Variants in ZNF573 observed in about 807,000 individuals in gnomAD.
The protein encoded by ZNF573 is zinc finger protein 573.
In ZNF573, 41 loss-of-function variants were observed where a neutral mutation model predicts 57.4. The ratio of observed to expected loss-of-function variants is 0.71; its 90% CI spans 0.56 to 0.93. The LOEUF is 0.93. Ranked by LOEUF, ZNF573 falls within the 40% of genes least tolerant of loss-of-function variation. The pLI, the probability that ZNF573 is intolerant of heterozygous loss-of-function variation, is 0.00. For synonymous variants in ZNF573, 249 were observed against 261.0 expected (o/e 0.95, Z 0.44); for missense variants, 730 against 794.8 (o/e 0.92, Z 0.98).
chr19:37,760,099 T>C (rs1333967139), intron 4 of ZNF573, among the ~76,000 whole-genome samples: 2 of 152,170 alleles, frequency 1.3e-5, no homozygotes, highest in African/African-American at 4.8e-5. Flanking sequence ...TCCAGAGTGA[T>C]TGGCCACATT....
intron 4 of ZNF573, among the ~76,000 whole-genome samples, chr19:37,749,042 T>C (rs2045409424): frequency 6.6e-6 from 1 of 151,480 alleles, no homozygotes; most frequent in African/African-American, 2.4e-5. Flanking sequence ...AATGTAAGTA[T>C]AGACTCTATA....
chr19:37,751,047 T>C (rs2045429855), intron 4 of ZNF573, among the ~76,000 whole-genome samples: 1 of 150,982 alleles, frequency 6.6e-6, no homozygotes, highest in Non-Finnish European at 1.5e-5. Context: ...GTATATATAC[T>C]GTCTATAGTA....
chr19:37,761,679 C>G (rs1038491583), intron 4 of ZNF573, among the ~76,000 whole-genome samples: 1 of 152,218 alleles, frequency 6.6e-6, no homozygotes, highest in African/African-American at 2.4e-5. Flanking sequence ...AGAACCTAGA[C>G]AGACAGGCCT....
chr19:37,777,380 A>C (rs76687248), intron 1 of ZNF573, among the ~76,000 whole-genome samples: 12,063 of 152,168 alleles, frequency 0.079, 719 homozygotes, highest in African/African-American at 0.16. Context: ...AAAATATGGC[A>C]ACAGCCTAAA....
In ZNF573 at chr19:37,748,168, G is replaced by GTA. The variant is rs201272270; in HGVS notation, c.296-7976_296-7975dup. On this transcript the variant is annotated intron_variant, in intron 4 of 4. Transcript: ENST00000536220. ...AGATAAGACAAATGTATACAATGTG[G>GTA]TACCCCTAACTGGATGCATCTTGGA... is the stretch of plus-strand genomic sequence containing the variant. Among the ~76,000 whole-genome samples the GTA allele has an allele frequency of 7.2e-4, 109 of 152,274 alleles. No homozygotes were observed. In the East Asian group the frequency reaches 0.019, roughly 27 times the overall value.
In ZNF573 at chr19:37,745,098, A is replaced by T. The variant is rs1490162915; in HGVS notation, c.296-4904T>A. Among the ~76,000 whole-genome samples the T allele has an allele frequency of 2.0e-5, 3 of 149,898 alleles. No homozygotes were observed. The East Asian group carries it at 6.0e-4, about 30-fold the overall frequency. On this transcript the variant is annotated intron_variant, in intron 4 of 4. Transcript: ENST00000536220. Reference sequence around the variant, plus strand: ...TGCCCGGCCAGGAAATACTTAAAGAAAAAAAATGCTCTGTCACTCAGGCTG... The same window carrying T: ...TGCCCGGCCAGGAAATACTTAAAGATAAAAAATGCTCTGTCACTCAGGCTG...
rs141664555 is a variant in ZNF573, at chr19:37,738,979, C to A, written c.1511G>T (p.Gly504Val). Reference protein sequence around the residue: ...GEKPYKCKECGKTFSLHGYLN... With the variant: ...GEKPYKCKECVKTFSLHGYLN... The stretch of plus-strand genomic sequence containing the variant: ...ATATCCATGCAAGCTAAAGGTCTTG[C>A]CACATTCCTTACATTTATAGGGTTT... The change falls in exon 5 of 5, where the codon GGC (glycine) becomes GTC (valine). Residue 504 changes from glycine (G) to valine (V), a missense_variant. Physicochemically the swap from Gly to Val is moderately radical, Grantham distance 109 (BLOSUM62 -3). Transcript: ENST00000536220. 3 of 1,613,750 alleles carry A rather than the reference C, an allele frequency of 1.9e-6. No individual in the cohort carries two copies. Among genetic ancestry groups the A allele is most frequent in the African/African-American group, 1.3e-5 (1 of 74,856 alleles).
intron 4 of ZNF573, among the ~76,000 whole-genome samples, chr19:37,743,377 A>G (rs1027508245): frequency 6.6e-6 from 1 of 151,938 alleles, no homozygotes; most frequent in Non-Finnish European, 1.5e-5. Context: ...CAAACATATG[A>G]AGAAAAGCTC....
chr19:37,756,755 G>T (rs773890125), intron 4 of ZNF573, among the ~76,000 whole-genome samples: 2 of 151,632 alleles, frequency 1.3e-5, no homozygotes, highest in Non-Finnish European at 2.9e-5. Flanking sequence ...TCAAAAGTGT[G>T]ATCTCCAGAA....
chr19:37,756,370 T>C (rs936948791), intron 4 of ZNF573, among the ~76,000 whole-genome samples: 2 of 152,126 alleles, frequency 1.3e-5, no homozygotes, highest in African/African-American at 4.8e-5. Flanking sequence ...GTTTCAGAAA[T>C]AGTAGATTAA....
chr19:37,770,160 G>T, intron 3 of ZNF573, 63 bp from the exon 4 acceptor site: 2 of 1,293,950 alleles, frequency 1.5e-6, no homozygotes, highest in Non-Finnish European at 2.1e-6. Flanking sequence ...AAACCTTTGA[G>T]CTTTGATTAA....
At chr19:37,761,171 G>A (rs973175996) in intron 4 of ZNF573, among the ~76,000 whole-genome samples, 5 of 152,034 alleles carry the variant, frequency 3.3e-5, no homozygotes, top group Admixed American at 6.6e-5. Context: ...ACTCTAGCCT[G>A]GGTGACAAAG....
At chr19:37,757,148 A>ATC (rs1366631540) in intron 4 of ZNF573, among the ~76,000 whole-genome samples, 1 of 151,916 alleles carries the variant, frequency 6.6e-6, no homozygotes, top group African/African-American at 2.4e-5. Context: ...GGCTCCAAGT[A>ATC]TCTCACCTCT....
intron 2 of ZNF573, among the ~76,000 whole-genome samples, chr19:37,773,417 C>G (rs1568424984): frequency 1.3e-5 from 2 of 152,194 alleles, no homozygotes; most frequent in Non-Finnish European, 2.9e-5. Context: ...ACTGCTCTAT[C>G]ATAGACTTTG....
intron 4 of ZNF573, among the ~76,000 whole-genome samples, chr19:37,767,677 A>C (rs1271245639): frequency 6.6e-6 from 1 of 152,108 alleles, no homozygotes; most frequent in Non-Finnish European, 1.5e-5. Context: ...TAAGCTCTGG[A>C]CTCAGATACA....
chr19:37,758,151 T>C (rs1365749599), intron 4 of ZNF573, among the ~76,000 whole-genome samples: 1 of 138,898 alleles, frequency 7.2e-6, no homozygotes, highest in African/African-American at 2.7e-5. Flanking sequence ...TATACATATG[T>C]AACAAACCTC....
chr19:37,760,905 G>T (rs1193240847), intron 4 of ZNF573, among the ~76,000 whole-genome samples: 1 of 150,846 alleles, frequency 6.6e-6, no homozygotes, highest in Non-Finnish European at 1.5e-5. Flanking sequence ...CATTAAAGAT[G>T]TGTACAAGCA....
At chr19:37,755,743 T>C (rs2045481414) in intron 4 of ZNF573, among the ~76,000 whole-genome samples, 1 of 151,402 alleles carries the variant, frequency 6.6e-6, no homozygotes. Context: ...AGAAAATAAA[T>C]TGATGCAACA....
At chr19:37,749,891 AAC>A (rs2045417001) in intron 4 of ZNF573, among the ~76,000 whole-genome samples, 1 of 152,174 alleles carries the variant, frequency 6.6e-6, no homozygotes, top group South Asian at 2.1e-4. Context: ...CTGCAAAATC[AAC>A]ACACAGAAAA....
Sources: allele counts gnomAD v4.1 joint callset (sites outside exome capture counted in the v4.1 genomes callset), GRCh38; gene constraint gnomAD v4.1.1; transcripts MANE v1.5; gene names NCBI Gene and HGNC (gene_info 2026-07-23, HGNC 2026-07-21).